Variants in SLC5A9 observed in about 807,000 individuals in gnomAD.
SLC5A9 encodes the protein solute carrier family 5 member 9, also known as sodium/glucose cotransporter 4.
SLC5A9 carries 59 observed loss-of-function variants against 70.9 expected under a neutral mutation model. The ratio of observed to expected loss-of-function variants is 0.83; its 90% CI spans 0.68 to 1.03. SLC5A9 has a LOEUF of 1.03. Among genes scored for constraint, SLC5A9 ranks in the 50% least tolerant of loss-of-function variants. SLC5A9 has a pLI of 0.00. For missense variants in SLC5A9, 832 were observed against 881.1 expected, an observed-to-expected ratio of 0.94 and a Z score of 0.71; for synonymous variants, 340 against 346.5, an observed-to-expected ratio of 0.98 and a Z score of 0.21.
At chr1:48,246,425 A>T (rs988501886) in intron 13 of SLC5A9, among the ~76,000 whole-genome samples, 4 of 152,200 alleles carry the variant, frequency 2.6e-5, no homozygotes, top group Non-Finnish European at 5.9e-5. Context: ...TTCTAAACCC[A>T]TTAAAATAAT....
chr1:48,229,411 G>C lies in SLC5A9; in HGVS notation c.456G>C (p.Val152=), dbSNP rs752180550. 1.2e-6 allele frequency: 2 copies of C among 1,614,042 alleles called. No homozygotes were observed. Among genetic ancestry groups the C allele is most frequent in the East Asian group, 4.5e-5 (2 of 44,872 alleles). ...GATTTGGGGGCCAGAGGATCCAGGT[G>C]TACATGTCTGTCCTGTCTCTCATCC... ...KKRFGGQRIQ[V]YMSVLSLILY... The change falls in exon 4 of 14, where the codon GTG becomes GTC. Residue 152 remains valine (V), a synonymous_variant. Coordinates refer to ENST00000438567, the MANE Select transcript of SLC5A9 (RefSeq NM_001011547.3).
chr1:48,232,977 AAAGG>A (rs756116253), intron 8 of SLC5A9, among the ~76,000 whole-genome samples: 16 of 140,564 alleles, frequency 1.1e-4, no homozygotes, highest in South Asian at 5.2e-4. Flanking sequence ...GGAGGAAAGA[AAAGG>A]AAGGAAGGAA....
At chr1:48,246,329 T>A (rs1016967962) in intron 13 of SLC5A9, among the ~76,000 whole-genome samples, 1 of 152,204 alleles carries the variant, frequency 6.6e-6, no homozygotes, top group East Asian at 1.9e-4. Flanking sequence ...TTTTTTCTCC[T>A]CTGTGCAATC....
chr1:48,236,023 C>T, intron 10 of SLC5A9, 144 bp downstream of exon 10: 1 of 891,870 alleles, frequency 1.1e-6, no homozygotes, highest in Non-Finnish European at 1.7e-6. Context: ...CACATGATTT[C>T]AAGTAAGTCC....
intron 10 of SLC5A9, among the ~76,000 whole-genome samples, chr1:48,237,032 G>A (rs924736072): frequency 6.6e-6 from 1 of 152,108 alleles, no homozygotes; most frequent in African/African-American, 2.4e-5. Context: ...AATCAGTGAG[G>A]TTTGTGCTCT....
At chr1:48,231,184 A>AG (rs1482351309) in intron 5 of SLC5A9, among the ~76,000 whole-genome samples, 2 of 152,190 alleles carry the variant, frequency 1.3e-5, no homozygotes, top group African/African-American at 4.8e-5. Context: ...GTCCAGAGAC[A>AG]GGGGGGCATT....
chr1:48,245,385 T>G (rs1199626364), intron 13 of SLC5A9, among the ~76,000 whole-genome samples: 1 of 152,046 alleles, frequency 6.6e-6, no homozygotes, highest in African/African-American at 2.4e-5. Context: ...GAGTAGTCCC[T>G]GGAGAAGCCA....
chr1:48,227,340 CAG>C (rs778664180), intron 2 of SLC5A9, among the ~76,000 whole-genome samples: 2 of 76,744 alleles, frequency 2.6e-5, no homozygotes, highest in African/African-American at 5.1e-5. Flanking sequence ...ATGTGTGTGT[CAG>C]AGTGTGTGTG....
chr1:48,233,234 G>A (rs1025129963), intron 8 of SLC5A9, among the ~76,000 whole-genome samples: 1 of 151,726 alleles, frequency 6.6e-6, no homozygotes, highest in East Asian at 1.9e-4. Context: ...GATGGCACAT[G>A]CCTGTAATCC....
At position 48,232,423 on chromosome 1, in the gene SLC5A9, C is replaced by A. The variant is rs201721766; in HGVS notation, c.954C>A (p.Ser318=). The change falls in exon 8 of 14, where the codon TCC becomes TCA. Residue 318 remains serine (S), a synonymous_variant. Transcript: ENST00000438567. ...AKSLSHAKGG[S]VLGGYLKILP... Reference sequence around the variant, plus strand: ...GTCTGTCTCATGCCAAGGGAGGCTCCGTGCTGGGGGGCTACCTGAAGATCC... The same window carrying A: ...GTCTGTCTCATGCCAAGGGAGGCTCAGTGCTGGGGGGCTACCTGAAGATCC... 6.2e-7 allele frequency: 1 copy of A among 1,614,020 alleles called. No homozygotes were observed.
chr1:48,231,517 C>T lies in SLC5A9; in HGVS notation c.611-28C>T, dbSNP rs144495507. 4.7e-4 allele frequency: 752 copies of T among 1,612,516 alleles called. 11 individuals carry two copies. In the East Asian group the frequency reaches 0.013, roughly 27 times the overall value. Reference sequence around the variant, plus strand: ...AGAGAGGACCCCAAACTGGTGCTGACTGATGAGCCCTCTCCTTGGGTCCCC... The same window carrying T: ...AGAGAGGACCCCAAACTGGTGCTGATTGATGAGCCCTCTCCTTGGGTCCCC... On this transcript the variant is annotated intron_variant, in intron 5 of 13. Transcript: ENST00000438567.
rs755516006 is a variant in SLC5A9, at chr1:48,231,985, G to A, written c.731G>A (p.Arg244Gln). Residue 244 changes from arginine (R) to glutamine (Q), a missense_variant, in exon 7 of 14, where the codon CGG becomes CAG. Physicochemically the swap from Arg to Gln is conservative, Grantham distance 43. Transcript: ENST00000438567. Reference protein sequence around the residue: ...DVGWYPGLEQRYRQAIPNVTV... With the variant: ...DVGWYPGLEQQYRQAIPNVTV... The stretch of plus-strand genomic sequence containing the variant: ...GGCTGGTACCCAGGCCTGGAGCAGC[G>A]GTACAGGCAGGCCATCCCTAATGTC... The A allele has an allele frequency of 3.3e-5, 54 of 1,614,002 alleles. No homozygotes were observed. The highest frequency in any genetic ancestry group is 4.1e-5 in the Non-Finnish European group (48 of 1,180,032).
At position 48,247,335 on chromosome 1, in the gene SLC5A9, C is replaced by T; in HGVS notation, c.1838C>T (p.Ala613Val). 2 of 1,613,766 alleles carry T rather than the reference C, an allele frequency of 1.2e-6. No individual in the cohort carries two copies. Among genetic ancestry groups the T allele is most frequent in the Non-Finnish European group, 1.7e-6 (2 of 1,179,820 alleles). ...TTGTCTTCTGGCTTTGTCCCTCCAG[C>T]CCCAAGCAGGTCCTGGGGAAAGTTG... ...NSSLGQEQPE[A>V]PSRSWGKLLW... Residue 613 changes from alanine to valine, a missense_variant and splice_region_variant, in exon 14 of 14, where the codon GCC (alanine) becomes GTC (valine). Coordinates refer to ENST00000438567, the MANE Select transcript of SLC5A9 (RefSeq NM_001011547.3).
rs149962239 is a variant in SLC5A9, at chr1:48,231,984, C to T, written c.730C>T (p.Arg244Trp). ...GGGCTGGTACCCAGGCCTGGAGCAG[C>T]GGTACAGGCAGGCCATCCCTAATGT... is the stretch of plus-strand genomic sequence containing the variant. Reference protein sequence around the residue: ...DVGWYPGLEQRYRQAIPNVTV... With the variant: ...DVGWYPGLEQWYRQAIPNVTV... Residue 244 changes from arginine (R) to tryptophan (W), a missense_variant, in exon 7 of 14, where the codon CGG (arginine) becomes TGG (tryptophan). Arg to Trp is a moderately radical substitution (Grantham distance 101). Coordinates refer to ENST00000438567, the MANE Select transcript of SLC5A9 (RefSeq NM_001011547.3). 383 of 1,614,140 alleles carry T rather than the reference C, an allele frequency of 2.4e-4. No homozygotes were observed. In the African/African-American group the frequency reaches 3.9e-3, roughly 17 times the overall value.
At chr1:48,245,728 A>G (rs1180787281) in intron 13 of SLC5A9, among the ~76,000 whole-genome samples, 1 of 152,208 alleles carries the variant, frequency 6.6e-6, no homozygotes, top group Non-Finnish European at 1.5e-5. Context: ...TTGGGAGGCC[A>G]AGACAGGGGG....
intron 13 of SLC5A9, among the ~76,000 whole-genome samples, chr1:48,243,809 G>A (rs931881771): frequency 6.6e-6 from 1 of 152,096 alleles, no homozygotes; most frequent in Non-Finnish European, 1.5e-5. Context: ...GCAAATTAAA[G>A]TCCAAAATTA....
rs749699797 is a variant in SLC5A9 at position 48,239,339 on chromosome 1, C to T, written c.1479C>T (p.Leu493=). 6.8e-6 allele frequency: 11 copies of T among 1,611,294 alleles called. No individual in the cohort carries two copies. The highest frequency in any genetic ancestry group is 2.2e-5 in the South Asian group (2 of 90,914). Residue 493 remains leucine (L), a synonymous_variant, in exon 12 of 14, where the codon CTC becomes CTT. Coordinates refer to ENST00000438567, the MANE Select transcript of SLC5A9 (RefSeq NM_001011547.3). This position sits in a 1 kb window ranked among gnomAD's most constrained non-coding sequence, Gnocchi z 4.2. Reference sequence around the variant, plus strand: ...TCTCACAGGGAGCTTTCTGGGGCCTCGTGTTTGGCCTGGGAGTGGGGCTTC... The same window carrying T: ...TCTCACAGGGAGCTTTCTGGGGCCTTGTGTTTGGCCTGGGAGTGGGGCTTC... ...RVTEPGAFWG[L]VFGLGVGLLR...
chr1:48,238,038 G>A (rs571991487), intron 11 of SLC5A9, among the ~76,000 whole-genome samples, 191 bp downstream of exon 11: 73 of 152,274 alleles, frequency 4.8e-4, no homozygotes, highest in Non-Finnish European at 9.8e-4. Flanking sequence ...GCAGCTCCAG[G>A]GATGCAGTAG....
At chr1:48,230,490 G>A (rs1569829283) in intron 4 of SLC5A9, 110 bp from the exon 5 acceptor site, 3 of 720,914 alleles carry the variant, frequency 4.2e-6, no homozygotes, top group East Asian at 5.1e-5. Flanking sequence ...TTTTCATCAT[G>A]TGATGAGGGC....
Sources: gnomAD v4.1 joint callset for allele counts (sites outside exome capture counted in the v4.1 genomes callset) on GRCh38, gnomAD v4.1.1 for gene constraint, Gnocchi (gnomAD v3.1) non-coding constraint, MANE v1.5 for transcripts, NCBI Gene and HGNC (gene_info 2026-07-23, HGNC 2026-07-21) for gene names.